The following PPFIA1 variants were observed in gnomAD, a reference collection of about 807,000 sequenced individuals.
The protein encoded by PPFIA1 is liprin-alpha-1.
In PPFIA1, 25 loss-of-function variants were observed where a neutral mutation model predicts 149.9. The ratio of observed to expected loss-of-function variants is 0.17; its 90% CI spans 0.12 to 0.23. The LOEUF is 0.23. Among genes scored for constraint, PPFIA1 ranks in the 10% least tolerant of loss-of-function variants. The pLI is 1.00. For synonymous variants in PPFIA1, 549 were observed against 552.8 expected, an observed-to-expected ratio of 0.99 and a Z score of 0.10; for missense variants, 1,362 against 1,506.5, an observed-to-expected ratio of 0.90 and a Z score of 1.59.
intron 21 of PPFIA1, chr11:70,367,762 A>G (rs1471234995): frequency 2.7e-6 from 1 of 363,784 alleles, no homozygotes; most frequent in African/African-American, 2.1e-5. Flanking sequence ...TTCTATTTAG[A>G]CAATTCCTTT....
intron 2 of PPFIA1, among the ~76,000 whole-genome samples, chr11:70,275,453 A>C (rs542316116): frequency 6.6e-6 from 1 of 152,176 alleles, no homozygotes; most frequent in African/African-American, 2.4e-5. Flanking sequence ...CAGTTGATCC[A>C]TCTTTTCAGT....
chr11:70,328,504 T>C (rs1463074879), intron 7 of PPFIA1, among the ~76,000 whole-genome samples: 1 of 152,204 alleles, frequency 6.6e-6, no homozygotes, highest in Non-Finnish European at 1.5e-5. Context: ...GTTGATTCCT[T>C]GTCTTTGCTG....
intron 2 of PPFIA1, among the ~76,000 whole-genome samples, chr11:70,276,775 G>T (rs1348359958): frequency 2.0e-5 from 3 of 151,820 alleles, no homozygotes; most frequent in Non-Finnish European, 2.9e-5. Context: ...ATTTGTTCAG[G>T]CCACCCAGAC....
chr11:70,280,510 A>G (rs1426777627), intron 2 of PPFIA1, among the ~76,000 whole-genome samples: 1 of 152,164 alleles, frequency 6.6e-6, no homozygotes, highest in Non-Finnish European at 1.5e-5. Flanking sequence ...CGGAGGTTGC[A>G]GTGAGCCAAG....
intron 1 of PPFIA1, chr11:70,271,972 G>C (rs1249406927): frequency 1.5e-6 from 1 of 646,504 alleles, no homozygotes; most frequent in Non-Finnish European, 2.7e-6. Context: ...TTTTGTCTGT[G>C]TTAATGTCTT....
At chr11:70,370,799 C>T (rs1014495275) in intron 21 of PPFIA1, among the ~76,000 whole-genome samples, 1 of 152,034 alleles carries the variant, frequency 6.6e-6, no homozygotes, top group Non-Finnish European at 1.5e-5. Flanking sequence ...CTGTTTCCCA[C>T]AATTTTTGAA....
At chr11:70,360,439 G>C (rs1469006035) in intron 19 of PPFIA1, among the ~76,000 whole-genome samples, 1 of 152,276 alleles carries the variant, frequency 6.6e-6, no homozygotes, top group African/African-American at 2.4e-5. Context: ...GCAGCAGTCA[G>C]ATCCTCCCTG....
chr11:70,342,423 T>C (rs2055391312), intron 14 of PPFIA1, among the ~76,000 whole-genome samples: 1 of 152,164 alleles, frequency 6.6e-6, no homozygotes, highest in South Asian at 2.1e-4. Context: ...CTGGGGGGAT[T>C]GCGTAGGTCC....
intron 10 of PPFIA1, chr11:70,334,482 T>G (rs1244501843): frequency 1.3e-5 from 2 of 152,188 alleles, no homozygotes; most frequent in South Asian, 2.1e-4. Flanking sequence ...TGCACACTCA[T>G]GCTCACAGAC....
intron 2 of PPFIA1, among the ~76,000 whole-genome samples, chr11:70,281,771 C>T (rs1462172675): frequency 2.0e-5 from 3 of 152,172 alleles, no homozygotes; most frequent in African/African-American, 4.8e-5. Context: ...GTGGGCCTCT[C>T]TTTGGTTTGG....
At chr11:70,350,523 G>A (rs1455950662) in intron 16 of PPFIA1, among the ~76,000 whole-genome samples, 1 of 152,156 alleles carries the variant, frequency 6.6e-6, no homozygotes, top group Non-Finnish European at 1.5e-5. Context: ...TTTTTGAAAA[G>A]TGGTAAATCA....
chr11:70,282,237 C>T (rs2050804016), intron 2 of PPFIA1: 1 of 152,380 alleles, frequency 6.6e-6, no homozygotes, highest in East Asian at 1.9e-4. Context: ...TACTCTTCCC[C>T]ATGCCCTGTG....
intron 14 of PPFIA1, among the ~76,000 whole-genome samples, chr11:70,341,546 C>G (rs2055332290): frequency 6.6e-6 from 1 of 152,188 alleles, no homozygotes; most frequent in Non-Finnish European, 1.5e-5. Context: ...GGACTGTCAG[C>G]TGTCCAGGGG....
chr11:70,296,481 G>A (rs1430518479), intron 2 of PPFIA1, among the ~76,000 whole-genome samples: 2 of 152,142 alleles, frequency 1.3e-5, no homozygotes, highest in African/African-American at 4.8e-5. Context: ...GGAGCTGGAG[G>A]CCAGCCCGGC....
Position 70,356,172 on chromosome 11 carries a change from G to A in PPFIA1, c.2500G>A (p.Glu834Lys), listed in dbSNP as rs187027607. 2.9e-4 allele frequency: 463 copies of A among 1,613,868 alleles called. 3 individuals are homozygous for A. The East Asian group carries it at 8.0e-3, about 28-fold the overall frequency. ...CTGCTTCCTCACAGCTGGTGTTTCC[G>A]AGACGGATAACTCATCTCAGGATGC... ...KEALGQAGVS[E>K]TDNSSQDALG... Residue 834 changes from glutamate to lysine, a missense_variant, in exon 19 of 28, where the codon GAG becomes AAG. By Grantham distance (56) the Glu-to-Lys change is moderately conservative. This residue lies in a region of PPFIA1 where 91 missense variants were observed against 91.2 expected (regional missense o/e 1.00). Coordinates refer to ENST00000253925, the MANE Select transcript of PPFIA1 (RefSeq NM_003626.5).
At chr11:70,335,535 T>C in intron 10 of PPFIA1, 28 bp from the exon 11 acceptor site, 2 of 1,610,806 alleles carry the variant, frequency 1.2e-6, no homozygotes, top group Non-Finnish European at 1.7e-6. Flanking sequence ...TACGTGAGGT[T>C]TATAAGACTT....
intron 2 of PPFIA1, 141 bp from the exon 3 acceptor site, chr11:70,324,259 CCT>C: frequency 3.5e-6 from 2 of 572,204 alleles, no homozygotes; most frequent in Non-Finnish European, 6.2e-6. Flanking sequence ...CCATTGATGC[CCT>C]CTTTCTCTGG....
At chr11:70,324,616 A>G in intron 3 of PPFIA1, 113 bp downstream of exon 3, 4 of 970,628 alleles carry the variant, frequency 4.1e-6, no homozygotes, top group Non-Finnish European at 6.3e-6. Context: ...TACTTTTCAT[A>G]CCTTTTCCCA....
chr11:70,277,464 C>T (rs1036510588), intron 2 of PPFIA1, among the ~76,000 whole-genome samples: 28 of 150,224 alleles, frequency 1.9e-4, no homozygotes, highest in South Asian at 8.5e-4. Flanking sequence ...ATGTTTCTGC[C>T]GGGGATTATA....
Sources: allele counts gnomAD v4.1 joint callset (sites outside exome capture counted in the v4.1 genomes callset), GRCh38; gene constraint gnomAD v4.1.1; regional missense constraint gnomAD v4.1.1; transcripts MANE v1.5; gene names NCBI Gene and HGNC (gene_info 2026-07-23, HGNC 2026-07-21).